SLC9A7: variants seen among roughly 807,000 people sequenced by gnomAD.
The protein encoded by SLC9A7 is solute carrier family 9 member A7.
Under a neutral mutation model 52.6 loss-of-function variants are expected in SLC9A7, and 19 were observed. The ratio of observed to expected loss-of-function variants is 0.36; its 90% confidence interval spans 0.25 to 0.53. The LOEUF (loss-of-function observed/expected upper bound fraction) is 0.53. Among genes scored for constraint, SLC9A7 ranks in the 20% least tolerant of loss-of-function variants. The pLI, the probability that SLC9A7 is intolerant of heterozygous loss-of-function variation, is 0.91. For missense variants in SLC9A7, 455 were observed against 597.9 expected (o/e 0.76, Z 2.49); for synonymous variants, 226 against 252.1 (o/e 0.90, Z 0.98).
At chrX:46,704,072 C>A (rs1326887928) in intron 1 of SLC9A7, among the ~76,000 whole-genome samples, 1 of 111,453 alleles carries the variant, frequency 9.0e-6, no homozygotes, top group Non-Finnish European at 1.9e-5. Context: ...CCATTCTTGG[C>A]GCACACTGTC....
intron 1 of SLC9A7, among the ~76,000 whole-genome samples, chrX:46,738,083 GAAAGAAAGAAAGAAAGAAAGAAAGA>G (rs1945157913): frequency 1.4e-5 from 1 of 72,357 alleles, no homozygotes; most frequent in African/African-American, 3.9e-5. Context: ...AAGAAAGAAA[GAAAGAAAGAAAGAAAGAAAGAAAGA>G]GAAAAGAAAA....
intron 5 of SLC9A7, among the ~76,000 whole-genome samples, chrX:46,666,919 G>A (rs759054078): frequency 8.9e-6 from 1 of 112,164 alleles, no homozygotes; most frequent in Non-Finnish European, 1.9e-5. Flanking sequence ...TTTCTCCACA[G>A]ACACACATCT....
At chrX:46,758,636 C>T (rs1922861994) in intron 1 of SLC9A7, 69 bp downstream of exon 1, 1 of 732,626 alleles carries the variant, frequency 1.4e-6, no homozygotes, top group East Asian at 3.9e-5. Flanking sequence ...GGGGGAGCAC[C>T]GCGCGGCGCC....
intron 1 of SLC9A7, among the ~76,000 whole-genome samples, chrX:46,742,532 C>T (rs1227485248): frequency 9.0e-6 from 1 of 111,000 alleles, no homozygotes; most frequent in Non-Finnish European, 1.9e-5. Context: ...CTGTACAATT[C>T]CATTTATATG....
chrX:46,656,834 AAGGCAGGCCAAC>A (rs1481359237), intron 7 of SLC9A7, among the ~76,000 whole-genome samples: 1 of 107,881 alleles, frequency 9.3e-6, no homozygotes, highest in Non-Finnish European at 1.9e-5. Flanking sequence ...CCAATCTAGC[AAGGCAGGCCAAC>A]ATTCAGATTC....
chrX:46,747,786 G>A (rs1408573685), intron 1 of SLC9A7, among the ~76,000 whole-genome samples: 1 of 111,667 alleles, frequency 9.0e-6, no homozygotes, highest in African/African-American at 3.3e-5. Context: ...TACATGAAGG[G>A]AAATACAAAT....
chrX:46,726,443 G>C (rs181627258), intron 1 of SLC9A7, among the ~76,000 whole-genome samples: 34 of 111,370 alleles, frequency 3.1e-4, no homozygotes, highest in African/African-American at 1.1e-3. Context: ...TTCTTCCCCA[G>C]ACCATGTGCC....
chrX:46,721,436 T>C (rs1450257829), intron 1 of SLC9A7, among the ~76,000 whole-genome samples: 1 of 111,956 alleles, frequency 8.9e-6, no homozygotes, highest in Non-Finnish European at 1.9e-5. Context: ...AGCTGCAAGC[T>C]AATAGGAGAC....
intron 5 of SLC9A7, among the ~76,000 whole-genome samples, chrX:46,664,239 G>A (rs1943880532): frequency 9.0e-6 from 1 of 111,310 alleles, no homozygotes; most frequent in Non-Finnish European, 1.9e-5. Flanking sequence ...CTTCCTGTCA[G>A]GAAGAGGGCA....
Position 46,697,514 on chromosome X carries a change from A to C in SLC9A7, c.326-14979T>G, listed in dbSNP as rs760955591. ...AATTTCTTATGCCTGTCTTTACTGC[A>C]ATCTCTAAACATAAATTGTAAAGAT... On this transcript the variant is annotated intron_variant, in intron 1 of 16. Transcript: ENST00000616978. 3.6e-5 allele frequency among the ~76,000 whole-genome samples: 4 copies of C among 112,090 alleles called. No individual in the cohort carries two copies. In the South Asian group the frequency reaches 1.5e-3, roughly 42 times the overall value.
At chrX:46,676,033 T>A (rs1376872460) in intron 3 of SLC9A7, among the ~76,000 whole-genome samples, 1 of 111,946 alleles carries the variant, frequency 8.9e-6, no homozygotes, top group African/African-American at 3.3e-5. Context: ...GCCTTATGCA[T>A]CTCTTCATCT....
rs1942740834 is a variant in SLC9A7, at chrX:46,606,175, T to C, written c.*777A>G. 2.8e-6 allele frequency: 2 copies of C among 706,750 alleles called. No homozygotes were observed. Among genetic ancestry groups the C allele is most frequent in the African/African-American group, 4.7e-5 (2 of 42,201 alleles). 58.2% of individuals were successfully genotyped at this position (706,750 alleles called of 1,213,427 possible). ...ATCTCAACAAAAAAAAAAAGTTGAA[T>C]GCTTTTTGCAGTGATACCATCATCA... On this transcript the variant is annotated 3_prime_UTR_variant, in exon 17 of 17. Transcript: ENST00000616978.
At chrX:46,633,341 A>T (rs1943255313) in intron 13 of SLC9A7, among the ~76,000 whole-genome samples, 1 of 58,441 alleles carries the variant, frequency 1.7e-5, no homozygotes, top group African/African-American at 9.0e-5. Context: ...GCTGCTAAAA[A>T]AAAAAAAAAA....
chrX:46,732,336 G>T (rs1316550301), intron 1 of SLC9A7, among the ~76,000 whole-genome samples: 2 of 111,292 alleles, frequency 1.8e-5, no homozygotes, highest in Non-Finnish European at 3.8e-5. Flanking sequence ...AGGATCACCT[G>T]AGGTCAGGAG....
Position 46,633,336 on chromosome X carries a change from T to TA in SLC9A7, c.1677-1688dup, listed in dbSNP as rs397836432. On this transcript the variant is annotated intron_variant, in intron 13 of 16. Transcript: ENST00000616978. ...GAGCTGCTTCTCAGCTTGCTGCTGC[T>TA]AAAAAAAAAAAAAAAAAAAAAAAAA... 5.5e-3 allele frequency among the ~76,000 whole-genome samples: 45 copies of TA among 8,119 alleles called. 13 individuals are homozygous for TA. The highest frequency in any genetic ancestry group is 6.3e-3 in the Non-Finnish European group (25 of 3,990). 7.1% of individuals were successfully genotyped at this position (8,119 alleles called of 115,157 possible).
At chrX:46,732,453 T>C (rs1339191527) in intron 1 of SLC9A7, among the ~76,000 whole-genome samples, 1 of 109,225 alleles carries the variant, frequency 9.2e-6, no homozygotes, top group East Asian at 2.9e-4. Context: ...CTCAGGAGCC[T>C]GAGGCAAGAG....
intron 11 of SLC9A7, among the ~76,000 whole-genome samples, chrX:46,645,633 T>C (rs1943478355): frequency 9.3e-6 from 1 of 107,245 alleles, no homozygotes; most frequent in African/African-American, 3.5e-5. Context: ...TTTTTTTTTT[T>C]TTTTGCATAT....
At chrX:46,754,118 A>G (rs1311970743) in intron 1 of SLC9A7, among the ~76,000 whole-genome samples, 1 of 111,428 alleles carries the variant, frequency 9.0e-6, no homozygotes, top group East Asian at 2.8e-4. Flanking sequence ...CTGTGTCCTA[A>G]TGCATTTTAA....
intron 1 of SLC9A7, among the ~76,000 whole-genome samples, chrX:46,747,279 G>A (rs1346662380): frequency 8.9e-6 from 1 of 111,780 alleles, no homozygotes; most frequent in Non-Finnish European, 1.9e-5. Flanking sequence ...GAAATAGCTA[G>A]AAGGGAATAA....
Sources: allele counts gnomAD v4.1 joint callset (sites outside exome capture counted in the v4.1 genomes callset), GRCh38; gene constraint gnomAD v4.1.1; transcripts MANE v1.5; gene names NCBI Gene and HGNC (gene_info 2026-07-23, HGNC 2026-07-21).